ZNF429: variants seen among roughly 807,000 people sequenced by gnomAD.
ZNF429 encodes zinc finger protein 429.
In ZNF429, 53 loss-of-function variants were observed where a neutral mutation model predicts 56.8. The ratio of observed to expected loss-of-function variants is 0.93; its 90% CI spans 0.75 to 1.17. The LOEUF (loss-of-function observed/expected upper bound fraction) is 1.17. ZNF429 is among the 50% of genes most tolerant of loss of function. ZNF429 has a pLI of 0.00. For synonymous variants in ZNF429, 278 were observed against 264.7 expected (o/e 1.05, Z -0.49); for missense variants, 849 against 788.4 (o/e 1.08, Z -0.92).
At chr19:21,535,228 C>T in intron 3 of ZNF429, among the ~76,000 whole-genome samples, 1 of 146,106 alleles carries the variant, frequency 6.8e-6, no homozygotes, top group Non-Finnish European at 1.5e-5. Flanking sequence ...TCACTCCACT[C>T]CTGTAACATT....
Position 21,537,550 on chromosome 19 carries a change from T to TA in ZNF429, c.1504dup (p.Ile502AsnfsTer3), listed in dbSNP as rs1422865370. ...AGCAGTCCTCAAACCTTAACAGTCA[T>TA]AAAAAAATTCATAGTGGAGAGAAAC... On this transcript the variant is annotated frameshift_variant, in exon 4 of 4. Coordinates refer to ENST00000358491, the MANE Select transcript of ZNF429 (RefSeq NM_001001415.4). LOFTEE classifies it high-confidence loss of function. 3.1e-6 allele frequency: 5 copies of TA among 1,613,120 alleles called. No homozygotes were observed. The highest frequency in any genetic ancestry group is 2.2e-5 in the South Asian group (2 of 91,042).
intron 3 of ZNF429, among the ~76,000 whole-genome samples, chr19:21,532,698 AT>A: frequency 0.52 from 75,530 of 144,160 alleles, 19,452 homozygotes; most frequent in South Asian, 0.62. Flanking sequence ...ATGTGAGAGG[AT>A]TTTTTTTTTT....
chr19:21,521,971 A>AGCTGTGAGCCCTGT (rs1272768895), intron 1 of ZNF429: 1 of 152,358 alleles, frequency 6.6e-6, no homozygotes, highest in African/African-American at 2.4e-5. Flanking sequence ...GTGAGCTGCC[A>AGCTGTGAGCCCTGT]GCTGTGAGCC....
chr19:21,533,674 A>T, intron 3 of ZNF429, among the ~76,000 whole-genome samples: 2 of 151,506 alleles, frequency 1.3e-5, no homozygotes, highest in Non-Finnish European at 2.9e-5. Flanking sequence ...GTTTTTTTTC[A>T]ATACAGAGTC....
chr19:21,514,348 C>T (rs2032639971), intron 1 of ZNF429, among the ~76,000 whole-genome samples: 2 of 152,158 alleles, frequency 1.3e-5, no homozygotes, highest in Non-Finnish European at 2.9e-5. Context: ...ACCCTCCACC[C>T]TCAACTAGGC....
intron 3 of ZNF429, among the ~76,000 whole-genome samples, chr19:21,531,833 A>C: frequency 1.3e-5 from 2 of 151,742 alleles, no homozygotes; most frequent in Non-Finnish European, 2.9e-5. Flanking sequence ...AAAAGCATTG[A>C]AATTGAAGAC....
chr19:21,520,062 T>C (rs2032934249), intron 1 of ZNF429, among the ~76,000 whole-genome samples: 2 of 152,130 alleles, frequency 1.3e-5, no homozygotes, highest in African/African-American at 4.8e-5. Flanking sequence ...TTTCACCATC[T>C]TGGCCAGGCT....
chr19:21,512,282 G>A (rs950600614), intron 1 of ZNF429, among the ~76,000 whole-genome samples: 3 of 152,086 alleles, frequency 2.0e-5, no homozygotes, highest in Non-Finnish European at 2.9e-5. Context: ...TCTTGGTTTT[G>A]GTGGGTTTTA....
Position 21,530,378 on chromosome 19 carries a change from A to G in ZNF429, c.131-211A>G. On this transcript the variant is annotated intron_variant, in intron 2 of 3. Coordinates refer to ENST00000358491, the MANE Select transcript of ZNF429 (RefSeq NM_001001415.4). ...CACACCTTAAAATCTAATTGTCACA[A>G]TCGATTTTTTATTAAGTAGTACTGG... is the stretch of plus-strand genomic sequence containing the variant. Among the ~76,000 whole-genome samples, 3 of 152,122 alleles carry G rather than the reference A, an allele frequency of 2.0e-5. No individual in the cohort carries two copies. The South Asian group carries it at 6.2e-4, about 32-fold the overall frequency.
At position 21,537,906 on chromosome 19, in the gene ZNF429, A is replaced by G; in HGVS notation, c.1853A>G (p.Glu618Gly). ...LTQHKKIHTREKPYKCEECAK... is the reference protein window; with the variant it reads ...LTQHKKIHTRGKPYKCEECAK... Reference sequence around the variant, plus strand: ...CAACATAAGAAAATTCATACTAGAGAGAAACCTTACAAATGTGAAGAATGT... The same window carrying G: ...CAACATAAGAAAATTCATACTAGAGGGAAACCTTACAAATGTGAAGAATGT... The change falls in exon 4 of 4, where the codon GAG becomes GGG. Residue 618 changes from glutamate to glycine, a missense_variant. Glu to Gly is a moderately conservative substitution (Grantham distance 98). Transcript: ENST00000358491. The G allele has an allele frequency of 6.2e-7, 1 of 1,614,022 alleles. No individual in the cohort carries two copies. Among genetic ancestry groups the G allele is most frequent in the Non-Finnish European group, 8.5e-7 (1 of 1,179,962 alleles).
At chr19:21,513,684 C>A (rs1013524288) in intron 1 of ZNF429, among the ~76,000 whole-genome samples, 2 of 152,182 alleles carry the variant, frequency 1.3e-5, no homozygotes, top group Non-Finnish European at 2.9e-5. Context: ...CTCTTGGTAT[C>A]TGGAAATGGG....
chr19:21,529,379 G>T (rs2033287130), intron 1 of ZNF429: 1 of 406,848 alleles, frequency 2.5e-6, no homozygotes, highest in Admixed American at 6.1e-5. Context: ...TTCTGTTCAT[G>T]CCCTTAATTT....
intron 3 of ZNF429, among the ~76,000 whole-genome samples, chr19:21,533,820 A>AT: frequency 5.3e-5 from 8 of 151,728 alleles, no homozygotes; most frequent in Non-Finnish European, 1.2e-4. Context: ...CACCTGGCTA[A>AT]TTTTTTTGTA....
At chr19:21,511,867 G>C (rs1277773078) in intron 1 of ZNF429, among the ~76,000 whole-genome samples, 5 of 152,158 alleles carry the variant, frequency 3.3e-5, no homozygotes, top group Admixed American at 1.3e-4. Flanking sequence ...TCACGGTTAG[G>C]AGCTGGAGAC....
chr19:21,505,855 T>G, intron 1 of ZNF429, 81 bp downstream of exon 1: 1 of 1,506,972 alleles, frequency 6.6e-7, no homozygotes, highest in Non-Finnish European at 9.1e-7. Flanking sequence ...CGGACTTAGG[T>G]CTCCCGGCAG....
chr19:21,538,534 A>T lies in ZNF429; in HGVS notation c.*456A>T, dbSNP rs1042247438. The T allele has an allele frequency of 2.0e-5, 3 of 153,264 alleles. No individual in the cohort carries two copies. The highest frequency in any genetic ancestry group is 2.0e-4 in the South Asian group (1 of 4,896). The allele number at this position is 153,264 out of a possible 1,614,324, so 9.5% of individuals were successfully genotyped here. A position where few individuals can be genotyped will look rare whatever the true frequency, so the allele number is the denominator to read the frequency against. ...AGAATTGCTTGAACCTGGGAGCCAG[A>T]GGTAGCAGTGAGCTGAGATCACGCC... On this transcript the variant is annotated 3_prime_UTR_variant, in exon 4 of 4. Coordinates refer to ENST00000358491, the MANE Select transcript of ZNF429 (RefSeq NM_001001415.4).
At chr19:21,531,322 A>T in intron 3 of ZNF429, among the ~76,000 whole-genome samples, 1 of 152,036 alleles carries the variant, frequency 6.6e-6, no homozygotes, top group Non-Finnish European at 1.5e-5. Context: ...TTACAAATCC[A>T]TAGGGCATCT....
chr19:21,515,586 T>G (rs1358525964), intron 1 of ZNF429, among the ~76,000 whole-genome samples: 1 of 152,128 alleles, frequency 6.6e-6, no homozygotes, highest in East Asian at 1.9e-4. Flanking sequence ...TGTTTTTTGT[T>G]TTTTTGCTGT....
At chr19:21,517,475 CT>C (rs2032799247) in intron 1 of ZNF429, among the ~76,000 whole-genome samples, 1 of 151,890 alleles carries the variant, frequency 6.6e-6, no homozygotes, top group South Asian at 2.1e-4. Context: ...GGAAGAGTTT[CT>C]TCTCAATTTT....
Sources: gnomAD v4.1 joint callset for allele counts (sites outside exome capture counted in the v4.1 genomes callset) on GRCh38, gnomAD v4.1.1 for gene constraint, MANE v1.5 for transcripts, NCBI Gene and HGNC (gene_info 2026-07-23, HGNC 2026-07-21) for gene names.